ME1: variants seen among roughly 807,000 people sequenced by gnomAD.
ME1 encodes malic enzyme 1.
ME1 carries 74 observed loss-of-function variants against 66.4 expected under a neutral mutation model. The observed-to-expected ratio is 1.11, with a 90% confidence interval of 0.92 to 1.35. The LOEUF is 1.35. Ranked by LOEUF, ME1 falls within the 40% of genes most tolerant of loss-of-function variation. The probability of loss-of-function intolerance (pLI) is 0.00; values close to 1 mark genes in which losing one functional copy is unlikely to be tolerated. For missense variants in ME1, 750 were observed against 694.1 expected (o/e 1.08, Z -0.90); for synonymous variants, 251 against 235.6 (o/e 1.07, Z -0.60).
At chr6:83,217,456 C>T (rs1184418242) in intron 12 of ME1, among the ~76,000 whole-genome samples, 4 of 152,112 alleles carry the variant, frequency 2.6e-5, no homozygotes, top group Non-Finnish European at 5.9e-5. Context: ...TCTTTGCCAT[C>T]AGCAAACATA....
intron 3 of ME1, among the ~76,000 whole-genome samples, chr6:83,390,400 CT>C (rs1490436684): frequency 6.6e-6 from 1 of 152,096 alleles, no homozygotes; most frequent in Non-Finnish European, 1.5e-5. Flanking sequence ...TTACTAGACA[CT>C]TTTCCATTTT....
chr6:83,293,532 A>G (rs931737417), intron 6 of ME1, among the ~76,000 whole-genome samples: 1 of 152,184 alleles, frequency 6.6e-6, no homozygotes, highest in East Asian at 1.9e-4. Flanking sequence ...TCCACAGGCA[A>G]AATTTTATTT....
intron 9 of ME1, among the ~76,000 whole-genome samples, chr6:83,231,182 A>C (rs1790300992): frequency 6.6e-6 from 1 of 152,214 alleles, no homozygotes; most frequent in Non-Finnish European, 1.5e-5. Context: ...CAAATAATAA[A>C]AAAGACAGAT....
intron 3 of ME1, among the ~76,000 whole-genome samples, chr6:83,373,730 T>C (rs981238819): frequency 1.5e-4 from 23 of 152,148 alleles, no homozygotes; most frequent in African/African-American, 5.6e-4. Flanking sequence ...TATTAAGCCC[T>C]GCATGCACTA....
intron 7 of ME1, among the ~76,000 whole-genome samples, chr6:83,249,502 G>C (rs1371801982): frequency 6.6e-6 from 1 of 152,118 alleles, no homozygotes; most frequent in African/African-American, 2.4e-5. Flanking sequence ...TGGGATTACA[G>C]GTGTGAGCCA....
intron 6 of ME1, among the ~76,000 whole-genome samples, chr6:83,280,714 C>T (rs1644758327): frequency 6.6e-6 from 1 of 152,014 alleles, no homozygotes. Context: ...CCAACAACTA[C>T]AGTAGCTAAA....
At chr6:83,343,211 TCTA>T (rs1422732787) in intron 5 of ME1, among the ~76,000 whole-genome samples, 2 of 152,184 alleles carry the variant, frequency 1.3e-5, no homozygotes, top group African/African-American at 4.8e-5. Flanking sequence ...CAACTATCAT[TCTA>T]CTCTCTACCT....
chr6:83,420,902 T>C (rs1266624564), intron 1 of ME1, among the ~76,000 whole-genome samples: 4 of 152,172 alleles, frequency 2.6e-5, no homozygotes, highest in Admixed American at 2.6e-4. Flanking sequence ...TTGTTGTTTT[T>C]GTTTTTGTTT....
intron 6 of ME1, among the ~76,000 whole-genome samples, chr6:83,310,409 TC>T (rs1767908438): frequency 6.6e-6 from 1 of 152,186 alleles, no homozygotes; most frequent in African/African-American, 2.4e-5. Flanking sequence ...CTTTGTTATT[TC>T]TTCCACAGAG....
chr6:83,237,397 GGAAAGAAAGAAAAA>G (rs1177699448), intron 9 of ME1, among the ~76,000 whole-genome samples: 2 of 118,830 alleles, frequency 1.7e-5, no homozygotes, highest in Non-Finnish European at 3.3e-5. Flanking sequence ...AAGGAAGGAA[GGAAAGAAAGAAAAA>G]GAAAGAAAGA....
intron 2 of ME1, among the ~76,000 whole-genome samples, chr6:83,403,075 A>G (rs1003859211): frequency 3.9e-5 from 6 of 152,222 alleles, no homozygotes; most frequent in Non-Finnish European, 7.3e-5. Flanking sequence ...CTAACATTAC[A>G]TCATAGTGTT....
rs1263205998 is a variant in ME1, at chr6:83,210,667, T to G, written c.*1257A>C. 1 of 152,210 alleles carries G rather than the reference T, an allele frequency of 6.6e-6. No individual in the cohort carries two copies. Among genetic ancestry groups the G allele is most frequent in the African/African-American group, 2.4e-5 (1 of 41,466 alleles). 9.4% of individuals were successfully genotyped at this position (152,210 alleles called of 1,614,324 possible). A position where few individuals can be genotyped will look rare whatever the true frequency, so the allele number is the denominator to read the frequency against. ...TAAAATCATTTTATAGTATAATTTA[T>G]CTTGAATATCTTATACTCCTTAAAG... On this transcript the variant is annotated 3_prime_UTR_variant, in exon 14 of 14. Transcript: ENST00000369705.
At chr6:83,216,384 T>C (rs112280660) in intron 13 of ME1, 114 bp downstream of exon 13, 4 of 767,502 alleles carry the variant, frequency 5.2e-6, no homozygotes, top group East Asian at 2.5e-5. Flanking sequence ...ACTTCTGACA[T>C]AGTAAGTTGA....
intron 1 of ME1, among the ~76,000 whole-genome samples, chr6:83,423,602 T>C (rs1770312594): frequency 6.6e-6 from 1 of 151,802 alleles, no homozygotes; most frequent in Non-Finnish European, 1.5e-5. Context: ...AGTTTGACAC[T>C]AGATGGGGTA....
At chr6:83,216,045 C>T (rs1325995825) in intron 13 of ME1, among the ~76,000 whole-genome samples, 1 of 152,144 alleles carries the variant, frequency 6.6e-6, no homozygotes, top group Non-Finnish European at 1.5e-5. Flanking sequence ...TTGCCTTCCG[C>T]CCAGTATTAT....
intron 7 of ME1, among the ~76,000 whole-genome samples, chr6:83,252,582 C>A (rs1270781758): frequency 6.6e-6 from 1 of 151,850 alleles, no homozygotes; most frequent in Non-Finnish European, 1.5e-5. Flanking sequence ...ATTATAGGCG[C>A]CTAAGTGGAG....
rs552142372 is a variant in ME1, at chr6:83,252,795, T to C, written c.814+834A>G. 2.0e-5 allele frequency among the ~76,000 whole-genome samples: 3 copies of C among 152,174 alleles called. No homozygotes were observed. The South Asian group carries it at 6.2e-4, about 32-fold the overall frequency. On this transcript the variant is annotated intron_variant, in intron 7 of 13. Transcript: ENST00000369705. The stretch of plus-strand genomic sequence containing the variant: ...ATAGCTAGACAGGAAAGGATGAACC[T>C]GCAGAAGAAAAAGAAAAGGCAAACA...
At chr6:83,349,008 A>AC (rs1491154774) in intron 4 of ME1, among the ~76,000 whole-genome samples, 5 of 147,496 alleles carry the variant, frequency 3.4e-5, no homozygotes, top group African/African-American at 1.3e-4. Flanking sequence ...AAAACAAAAA[A>AC]CAAAAAACAG....
chr6:83,297,792 A>G (rs1047603333), intron 6 of ME1, among the ~76,000 whole-genome samples: 1 of 152,042 alleles, frequency 6.6e-6, no homozygotes, highest in Non-Finnish European at 1.5e-5. Flanking sequence ...CCCTGTGTCC[A>G]TGTGTTCTCA....
Sources: allele counts gnomAD v4.1 joint callset (sites outside exome capture counted in the v4.1 genomes callset), GRCh38; gene constraint gnomAD v4.1.1; transcripts MANE v1.5; gene names NCBI Gene and HGNC (gene_info 2026-07-23, HGNC 2026-07-21).